WNK1: variants seen among roughly 807,000 people sequenced by gnomAD.
WNK1 encodes the protein serine/threonine-protein kinase WNK1.
WNK1 carries 38 observed loss-of-function variants against 222.8 expected under a neutral mutation model. The ratio of observed to expected loss-of-function variants is 0.17; its 90% CI spans 0.13 to 0.22. The LOEUF (loss-of-function observed/expected upper bound fraction) is 0.22. WNK1 is among the 10% of genes least tolerant of loss of function. The pLI is 1.00. For missense variants in WNK1, 2,348 were observed against 2,918.4 expected (o/e 0.80, Z 4.50); for synonymous variants, 1,090 against 1,092.9 (o/e 1.00, Z 0.05).
intron 4 of WNK1, among the ~76,000 whole-genome samples, chr12:842,421 C>T (rs1444223917): frequency 1.3e-5 from 2 of 152,188 alleles, no homozygotes; most frequent in East Asian, 1.9e-4. Context: ...GTTCTCAAAT[C>T]TCAGTTGTAA....
intron 26 of WNK1, chr12:906,304 G>A (rs1955695194): frequency 7.1e-6 from 7 of 985,076 alleles, no homozygotes; most frequent in Non-Finnish European, 6.0e-6. Context: ...GTGCCTCTTG[G>A]AATAATCTTC....
chr12:907,258 T>C (rs1292898369), intron 26 of WNK1, among the ~76,000 whole-genome samples: 1 of 150,806 alleles, frequency 6.6e-6, no homozygotes, highest in African/African-American at 2.5e-5. Context: ...GAGGCAGGGG[T>C]TGCAGTTAGG....
intron 4 of WNK1, among the ~76,000 whole-genome samples, chr12:838,386 T>C (rs924433973): frequency 1.3e-5 from 2 of 152,084 alleles, no homozygotes; most frequent in Non-Finnish European, 2.9e-5. Context: ...TTGTGATCTC[T>C]TCATATTCTT....
At chr12:819,537 A>G (rs1017068592) in intron 2 of WNK1, among the ~76,000 whole-genome samples, 2 of 152,138 alleles carry the variant, frequency 1.3e-5, no homozygotes, top group African/African-American at 4.8e-5. Flanking sequence ...TCTGATTTGG[A>G]TGCTCAAGCC....
intron 22 of WNK1, among the ~76,000 whole-genome samples, chr12:892,048 T>G (rs552649583): frequency 1.1e-3 from 162 of 150,812 alleles, no homozygotes; most frequent in African/African-American, 3.2e-3. Flanking sequence ...TTTTTTTTTT[T>G]TGTGGCTTGG....
At chr12:807,589 C>G (rs1045582159) in intron 1 of WNK1, among the ~76,000 whole-genome samples, 1 of 151,966 alleles carries the variant, frequency 6.6e-6, no homozygotes, top group Non-Finnish European at 1.5e-5. Context: ...TTGTTGGTTT[C>G]CCCTTTGGCA....
chr12:890,496 C>G lies in WNK1; in HGVS notation c.5492C>G (p.Thr1831Arg), dbSNP rs373765496. Residue 1831 changes from threonine to arginine, a missense_variant, in exon 22 of 28, where the codon ACA becomes AGA. Thr to Arg is a moderately conservative substitution (Grantham distance 71). Transcript: ENST00000315939. ...AAPTAITEAG[T>R]QPQKGVSQVK... Reference sequence around the variant, plus strand: ...CCAACAGCAATCACAGAAGCAGGAACACAGCCTCAGAAGGGTGGTGAGAAA... The same window carrying G: ...CCAACAGCAATCACAGAAGCAGGAAGACAGCCTCAGAAGGGTGGTGAGAAA... 3.7e-6 allele frequency: 6 copies of G among 1,614,018 alleles called. No individual in the cohort carries two copies. Among genetic ancestry groups the G allele is most frequent in the African/African-American group, 1.3e-5 (1 of 74,910 alleles).
At position 910,254 on chromosome 12, in the gene WNK1, G is replaced by C. The variant is rs1038765291; in HGVS notation, c.*1462G>C. On this transcript the variant is annotated 3_prime_UTR_variant, in exon 28 of 28. Transcript: ENST00000315939. The stretch of plus-strand genomic sequence containing the variant: ...TTGCACATGTACCATGCATTTCTCA[G>C]CTTGGGGTACTACATTTTGTGGAAA... The C allele has an allele frequency of 6.6e-5, 10 of 151,210 alleles. No homozygotes were observed. The highest frequency in any genetic ancestry group is 2.4e-4 in the African/African-American group (10 of 41,200). The allele number at this position is 151,210 out of a possible 1,614,324, so 9.4% of individuals were successfully genotyped here. A position where few individuals can be genotyped will look rare whatever the true frequency, so the allele number is the denominator to read the frequency against.
intron 10 of WNK1, among the ~76,000 whole-genome samples, chr12:878,794 T>TTTTTTTTTTTGAGA (rs1360861997): frequency 6.6e-6 from 1 of 151,558 alleles, no homozygotes. Context: ...TGTTTTTTTT[T>TTTTTTTTTTTGAGA]CTTAAGTAGT....
At chr12:886,677 T>G (rs906231106) in intron 19 of WNK1, among the ~76,000 whole-genome samples, 2 of 152,250 alleles carry the variant, frequency 1.3e-5, no homozygotes, top group Admixed American at 6.5e-5. Flanking sequence ...TCTACTGTAT[T>G]GTATGCTTCA....
Position 861,084 on chromosome 12 carries a change from A to G in WNK1, c.1692A>G (p.Leu564=). 2 of 1,614,050 alleles carry G rather than the reference A, an allele frequency of 1.2e-6. No individual in the cohort carries two copies. The highest frequency in any genetic ancestry group is 1.7e-6 in the Non-Finnish European group (2 of 1,180,002). ...AAGCTATCAAAGACAGAGTATCATT[A>G]ATTAAGAGGAAACGAGAGCAGCGGC... is the stretch of plus-strand genomic sequence containing the variant. ...MAKAIKDRVS[L]IKRKREQRQL... The change falls in exon 7 of 28, where the codon TTA becomes TTG. Residue 564 remains leucine (L), a synonymous_variant. Transcript: ENST00000315939.
rs1007399181 is a variant in WNK1, at chr12:901,654, G to A, written c.6643+984G>A. 8 of 1,281,272 alleles carry A rather than the reference G, an allele frequency of 6.2e-6. No homozygotes were observed. The Admixed American group carries it at 6.9e-5, about 11-fold the overall frequency. 79.4% of individuals were successfully genotyped at this position (1,281,272 alleles called of 1,614,324 possible). ...CTGAGTACGCCCTGCTTGGCTCTTT[G>A]TGTGTAACACCTTTACTCCTTCCTT... On this transcript the variant is annotated intron_variant, in intron 26 of 27. Coordinates refer to ENST00000315939, the MANE Select transcript of WNK1 (RefSeq NM_018979.4).
chr12:879,517 T>TTTTTTTTTTTTTTTTTTTTTTTTTC, intron 10 of WNK1, 56 bp from the exon 11 acceptor site: 1 of 777,928 alleles, frequency 1.3e-6, no homozygotes, highest in Non-Finnish European at 1.8e-6. Context: ...GCCTTGCTTT[T>TTTTTTTTTTTTTTTTTTTTTTTTTC]TTTTTTTTTT....
intron 2 of WNK1, among the ~76,000 whole-genome samples, chr12:818,488 T>A (rs191451208): frequency 1.8e-3 from 275 of 151,880 alleles, no homozygotes; most frequent in Non-Finnish European, 3.1e-3. Flanking sequence ...GGGATTTTTT[T>A]ATTGTAAAAA....
chr12:879,880 G>C lies in WNK1; in HGVS notation c.2681G>C (p.Ser894Thr), dbSNP rs1952992564. 2 of 1,613,980 alleles carry C rather than the reference G, an allele frequency of 1.2e-6. No homozygotes were observed. Among genetic ancestry groups the C allele is most frequent in the Admixed American group, 3.3e-5 (2 of 60,000 alleles). Residue 894 changes from serine (S) to threonine (T), a missense_variant, in exon 11 of 28, where the codon AGT becomes ACT. By Grantham distance (58) the Ser-to-Thr change is moderately conservative. Around this residue, in one of 13 missense-constraint regions of WNK1, gnomAD observed 547 missense variants for 558.3 expected, o/e 0.98. Coordinates refer to ENST00000315939, the MANE Select transcript of WNK1 (RefSeq NM_018979.4). Reference sequence around the variant, plus strand: ...CCGGGGGTATCAACTGTGGTTCCTAGTCAGCTTCCAACCCTTCTGCAGCCT... The same window carrying C: ...CCGGGGGTATCAACTGTGGTTCCTACTCAGCTTCCAACCCTTCTGCAGCCT... ...AIPGVSTVVP[S>T]QLPTLLQPVT...
rs72647370 is a variant in WNK1 at position 753,911 on chromosome 12, C to T, written c.346C>T (p.Pro116Ser). The change falls in exon 1 of 28, where the codon CCA becomes TCA. Residue 116 changes from proline (P) to serine (S), a missense_variant. Around this residue, in one of 13 missense-constraint regions of WNK1, gnomAD observed 185 missense variants for 159.2 expected, o/e 1.16. Coordinates refer to ENST00000315939, the MANE Select transcript of WNK1 (RefSeq NM_018979.4). The surrounding 1 kb of genome is among the most constrained non-coding windows in gnomAD (Gnocchi z 5.2). Reference sequence around the variant, plus strand: ...CCCCGCGGCTGTCCCGCAGAGTGCTCCACCGGAGCCCCACCGGGAAGAGAC... The same window carrying T: ...CCCCGCGGCTGTCCCGCAGAGTGCTTCACCGGAGCCCCACCGGGAAGAGAC... ...SIPAAVPQSA[P>S]PEPHREETVT... is the part of the protein sequence containing the mutation. 6.2e-6 allele frequency: 10 copies of T among 1,609,842 alleles called. No individual in the cohort carries two copies. The African/African-American group carries it at 1.3e-4, about 21-fold the overall frequency.
At chr12:895,553 G>C (rs1430580206) in intron 23 of WNK1, among the ~76,000 whole-genome samples, 2 of 152,074 alleles carry the variant, frequency 1.3e-5, no homozygotes, top group Non-Finnish European at 2.9e-5. Flanking sequence ...CTGCCTCCCG[G>C]GTTTAAGTGA....
Position 754,113 on chromosome 12 carries a change from G to C in WNK1, c.548G>C (p.Ser183Thr). 1 of 1,610,830 alleles carries C rather than the reference G, an allele frequency of 6.2e-7. No homozygotes were observed. Among genetic ancestry groups the C allele is most frequent in the South Asian group, 1.1e-5 (1 of 91,078 alleles). ...GSKEEPPPARSGSGGGSAKEP... is the reference protein window; with the variant it reads ...GSKEEPPPARTGSGGGSAKEP... The stretch of plus-strand genomic sequence containing the variant: ...AAAGAGGAGCCGCCGCCGGCGAGAA[G>C]TGGCAGCGGCGGCGGCAGCGCCAAG... The change falls in exon 1 of 28, where the codon AGT becomes ACT. Residue 183 changes from serine (S) to threonine (T), a missense_variant. Transcript: ENST00000315939.
At chr12:850,456 A>C (rs566570105) in intron 4 of WNK1, among the ~76,000 whole-genome samples, 213 of 152,242 alleles carry the variant, frequency 1.4e-3, no homozygotes, top group African/African-American at 4.9e-3. Context: ...TTCATTGTAG[A>C]TTCTGGATAT....
Sources: gnomAD v4.1 joint callset for allele counts (sites outside exome capture counted in the v4.1 genomes callset) on GRCh38, gnomAD v4.1.1 for gene constraint, gnomAD v4.1.1 regional missense constraint, Gnocchi (gnomAD v3.1) non-coding constraint, MANE v1.5 for transcripts, NCBI Gene and HGNC (gene_info 2026-07-23, HGNC 2026-07-21) for gene names.